Variants in SLC9A6 observed in about 807,000 individuals in gnomAD.
SLC9A6 encodes solute carrier family 9 member A6.
SLC9A6 carries 6 observed loss-of-function variants against 45.3 expected under a neutral mutation model. The observed-to-expected ratio is 0.13, with a 90% CI of 0.07 to 0.26. SLC9A6 has a LOEUF of 0.26. Ranked by LOEUF, SLC9A6 falls within the 10% of genes least tolerant of loss-of-function variation. The pLI, the probability that SLC9A6 is intolerant of heterozygous loss-of-function variation, is 1.00. For missense variants in SLC9A6, 278 were observed against 503.7 expected, an observed-to-expected ratio of 0.55 and a Z score of 4.29; for synonymous variants, 191 against 187.7, an observed-to-expected ratio of 1.02 and a Z score of -0.14.
intron 11 of SLC9A6, 44 bp from the exon 12 acceptor site, chrX:136,022,542 T>G: frequency 1.2e-6 from 1 of 844,544 alleles, no homozygotes; most frequent in Non-Finnish European, 1.7e-6. Context: ...CTAAATAATA[T>G]TAATAGTAAA....
upstream of SLC9A6, chrX:135,973,839 A>C (rs1556612924): frequency 8.6e-7 from 1 of 1,158,692 alleles, no homozygotes; most frequent in Non-Finnish European, 1.1e-6. Flanking sequence ...GAAAACGGAA[A>C]CAGGAATGCC....
In SLC9A6 at chrX:136,047,110, T is replaced by C. The variant is rs781913636; in HGVS notation, c.*2386T>C. The C allele has an allele frequency of 2.0e-4, 23 of 112,704 alleles. No homozygotes were observed. The highest frequency in any genetic ancestry group is 7.4e-4 in the African/African-American group (23 of 30,953). 9.3% of individuals were successfully genotyped at this position (112,704 alleles called of 1,213,427 possible). ...TTAGGAAAATCTGTCATTAAAAAAG[T>C]TATAGCCTTGCAAATAACCACTCAC... On this transcript the variant is annotated 3_prime_UTR_variant, in exon 18 of 18. Coordinates refer to ENST00000630721, the MANE Select transcript of SLC9A6 (RefSeq NM_001379110.1).
intron 2 of SLC9A6, among the ~76,000 whole-genome samples, chrX:135,989,261 A>G (rs1261790415): frequency 8.9e-6 from 1 of 112,126 alleles, no homozygotes; most frequent in Non-Finnish European, 1.9e-5. Flanking sequence ...CACAATTGCA[A>G]AGTACCCACA....
intron 16 of SLC9A6, among the ~76,000 whole-genome samples, chrX:136,038,624 T>A (rs186483746): frequency 1.5e-3 from 168 of 111,758 alleles, no homozygotes; most frequent in African/African-American, 5.1e-3. Flanking sequence ...TATTATTATT[T>A]TTTTTTAATG....
intron 2 of SLC9A6, among the ~76,000 whole-genome samples, chrX:135,993,814 A>G: frequency 9.0e-6 from 1 of 111,233 alleles, no homozygotes; most frequent in Non-Finnish European, 1.9e-5. Flanking sequence ...ATTTAGTTTT[A>G]CAGTACCTAG....
chrX:136,003,184 TCAC>T (rs2089607858), intron 7 of SLC9A6, among the ~76,000 whole-genome samples: 2 of 109,122 alleles, frequency 1.8e-5, no homozygotes, highest in South Asian at 8.0e-4. Context: ...AGACGGGGTT[TCAC>T]CATGTTGGCC....
chrX:136,001,829 G>A (rs1396519171), intron 6 of SLC9A6, among the ~76,000 whole-genome samples: 2 of 112,111 alleles, frequency 1.8e-5, no homozygotes, highest in Non-Finnish European at 3.8e-5. Context: ...TACAAGACAC[G>A]ATTATTAACA....
At chrX:135,995,872 T>C (rs2089488792) in intron 3 of SLC9A6, among the ~76,000 whole-genome samples, 1 of 110,006 alleles carries the variant, frequency 9.1e-6, no homozygotes, top group African/African-American at 3.3e-5. Context: ...CTCCCAGAAA[T>C]CCCTGGAGCT....
upstream of SLC9A6, chrX:135,985,286 A>G (rs1163036770): frequency 1.7e-5 from 5 of 289,278 alleles, no homozygotes; most frequent in Non-Finnish European, 3.0e-5. Context: ...ACGGCCTTTC[A>G]TTCCCGGCAG....
intron 8 of SLC9A6, among the ~76,000 whole-genome samples, chrX:136,011,949 G>C (rs1189812283): frequency 9.0e-6 from 1 of 111,638 alleles, no homozygotes; most frequent in African/African-American, 3.3e-5. Flanking sequence ...AATTAGCCGG[G>C]CATGGTGGTG....
chrX:136,017,277 G>A (rs1449004285), intron 11 of SLC9A6, among the ~76,000 whole-genome samples: 2 of 110,384 alleles, frequency 1.8e-5, no homozygotes, highest in African/African-American at 6.6e-5. Context: ...AACTAGCCAG[G>A]TATGGTGGTT....
At chrX:136,020,860 A>G (rs1170179695) in intron 11 of SLC9A6, among the ~76,000 whole-genome samples, 1 of 108,894 alleles carries the variant, frequency 9.2e-6, no homozygotes, top group Non-Finnish European at 1.9e-5. Context: ...CATTGTTTTT[A>G]ATTTTTTTTT....
chrX:136,039,441 T>C (rs950443073), intron 16 of SLC9A6, among the ~76,000 whole-genome samples: 1 of 111,061 alleles, frequency 9.0e-6, no homozygotes, highest in Non-Finnish European at 1.9e-5. Context: ...GGCAAATAAA[T>C]GAATACTGAA....
intron 16 of SLC9A6, 43 bp downstream of exon 16, chrX:136,033,536 T>C (rs369426678): frequency 1.0e-5 from 8 of 789,831 alleles, no homozygotes; most frequent in African/African-American, 2.1e-5. Flanking sequence ...AATGTGGACA[T>C]AGATAATTAC....
upstream of SLC9A6, among the ~76,000 whole-genome samples, chrX:135,984,510 AAT>A (rs2089304496): frequency 9.0e-6 from 1 of 111,484 alleles, no homozygotes; most frequent in South Asian, 3.7e-4. Flanking sequence ...CGATCGGAGA[AAT>A]ACAGAAAAAA....
At chrX:136,017,949 T>C (rs1468602590) in intron 11 of SLC9A6, among the ~76,000 whole-genome samples, 4 of 111,634 alleles carry the variant, frequency 3.6e-5, no homozygotes, top group African/African-American at 1.3e-4. Context: ...AGCAAGAGGC[T>C]TCTATTCTTC....
At position 136,045,713 on chromosome X, in the gene SLC9A6, AT is replaced by A. The variant is rs1217662197; in HGVS notation, c.*990del. 5 of 112,642 alleles carry A rather than the reference AT, an allele frequency of 4.4e-5. No homozygotes were observed. The highest frequency in any genetic ancestry group is 9.4e-5 in the Non-Finnish European group (5 of 53,315). 9.3% of individuals were successfully genotyped at this position (112,642 alleles called of 1,213,427 possible). A position where few individuals can be genotyped will look rare whatever the true frequency, so the allele number is the denominator to read the frequency against. On this transcript the variant is annotated 3_prime_UTR_variant, in exon 18 of 18. Coordinates refer to ENST00000630721, the MANE Select transcript of SLC9A6 (RefSeq NM_001379110.1). ...TCTTTAGCAGCCAAACAGGAGCAAA[AT>A]GTAAAATTTTTGAACTTACTGTGTC... is the stretch of plus-strand genomic sequence containing the variant.
chrX:136,020,851 ATT>A (rs1397885386), intron 11 of SLC9A6, among the ~76,000 whole-genome samples: 4 of 107,786 alleles, frequency 3.7e-5, no homozygotes, highest in Non-Finnish European at 5.7e-5. Flanking sequence ...TATCTTCATC[ATT>A]GTTTTTAATT....
At chrX:136,039,297 CA>C (rs781946482) in intron 16 of SLC9A6, among the ~76,000 whole-genome samples, 3,387 of 86,150 alleles carry the variant, frequency 0.039, 49 homozygotes, top group South Asian at 0.12. Context: ...GACACTGTCT[CA>C]AAAAAAAAAA....
Sources: gnomAD v4.1 joint callset for allele counts (sites outside exome capture counted in the v4.1 genomes callset) on GRCh38, gnomAD v4.1.1 for gene constraint, MANE v1.5 for transcripts, NCBI Gene and HGNC (gene_info 2026-07-23, HGNC 2026-07-21) for gene names.